The following FAM219B variants were observed in gnomAD, a reference collection of about 807,000 sequenced individuals.
The protein encoded by FAM219B is protein FAM219B.
A neutral mutation model predicts 19.9 loss-of-function variants in FAM219B; 18 were observed. The ratio of observed to expected loss-of-function variants is 0.91; its 90% CI spans 0.63 to 1.34. The LOEUF is 1.34. Ranked by LOEUF, FAM219B falls within the 40% of genes most tolerant of loss-of-function variation. The pLI, the probability that FAM219B is intolerant of heterozygous loss-of-function variation, is 0.00. For missense variants in FAM219B, 283 were observed against 270.5 expected (o/e 1.05, Z -0.32); for synonymous variants, 123 against 117.5 (o/e 1.05, Z -0.30).
chr15:74,905,258 C>T, intron 2 of FAM219B, 27 bp from the exon 3 acceptor site: 1 of 1,607,478 alleles, frequency 6.2e-7, no homozygotes, highest in Non-Finnish European at 8.5e-7. Context: ...GAGAAGAGAC[C>T]AAACATAGAT....
downstream of FAM219B, chr15:74,898,425 G>C (rs1414402420): frequency 6.0e-6 from 1 of 167,350 alleles, no homozygotes; most frequent in East Asian, 1.5e-4. Context: ...CACAGGCACA[G>C]CTTGCAAGCA....
intron 3 of FAM219B, 44 bp from the exon 4 acceptor site, chr15:74,904,756 T>C (rs2141246252): frequency 6.2e-7 from 1 of 1,611,566 alleles, no homozygotes; most frequent in Non-Finnish European, 8.5e-7. Flanking sequence ...GTACCTGTGG[T>C]GCACAGCTGT....
chr15:74,906,471 G>A, intron 1 of FAM219B, 106 bp from the exon 2 acceptor site: 6 of 1,530,334 alleles, frequency 3.9e-6, no homozygotes, highest in Non-Finnish European at 5.3e-6. Flanking sequence ...GCGAGAGCAG[G>A]CTGCAGCTAA....
chr15:74,902,664 G>A lies in FAM219B; in HGVS notation c.552C>T (p.Cys184=). The change falls in exon 5 of 5, where the codon TGC becomes TGT. Residue 184 remains cysteine (C), a synonymous_variant. Transcript: ENST00000357635. ...AAGAGTCCCCAAGACAGCACCAGCA[G>A]CAGGAGCATGTTGAAGAGGCCATGG... is the stretch of plus-strand genomic sequence containing the variant. ...PKPMASSTCS[C]CWCCLGDSSS... 4 of 1,613,098 alleles carry A rather than the reference G, an allele frequency of 2.5e-6. No homozygotes were observed. Among genetic ancestry groups the A allele is most frequent in the Non-Finnish European group, 3.4e-6 (4 of 1,179,530 alleles).
intron 4 of FAM219B, among the ~76,000 whole-genome samples, chr15:74,903,583 AGAGT>A (rs1417676346): frequency 6.9e-6 from 1 of 144,740 alleles, no homozygotes; most frequent in African/African-American, 2.6e-5. Context: ...CCTGGGCCAC[AGAGT>A]GAGACTCTGT....
At chr15:74,904,082 A>G (rs1056563963) in intron 4 of FAM219B, among the ~76,000 whole-genome samples, 1 of 152,216 alleles carries the variant, frequency 6.6e-6, no homozygotes. Context: ...TCAAGGACCA[A>G]TGGACCCATT....
rs1422289870 is a variant in FAM219B at position 74,906,694 on chromosome 15, C to T, written c.107G>A (p.Gly36Glu). Residue 36 changes from glycine (G) to glutamate (E), a missense_variant, in exon 1 of 5, where the codon GGG (glycine) becomes GAG (glutamate). Gly to Glu is a moderately conservative substitution (Grantham distance 98, BLOSUM62 -2). Coordinates refer to ENST00000357635, the MANE Select transcript of FAM219B (RefSeq NM_020447.5). The part of the protein sequence containing the change: ...RAPGAAGPPS[G>E]QIGNRALRLG... ...ACGGAGGGCTCTATTACCGATCTGC[C>T]CGGAGGGTGGCCCCGCAGCTCCCGG... The T allele has an allele frequency of 1.4e-6, 2 of 1,432,182 alleles. No homozygotes were observed. The highest frequency in any genetic ancestry group is 1.8e-6 in the Non-Finnish European group (2 of 1,093,350). 88.7% of individuals were successfully genotyped at this position (1,432,182 alleles called of 1,614,324 possible).
chr15:74,906,426 C>T, intron 1 of FAM219B, 61 bp from the exon 2 acceptor site: 1 of 1,560,232 alleles, frequency 6.4e-7, no homozygotes. Flanking sequence ...CTCCCGAAGG[C>T]TGGGAGGCCG....
chr15:74,906,336 G>C lies in FAM219B; in HGVS notation c.244C>G (p.Leu82Val). The C allele has an allele frequency of 6.2e-7, 1 of 1,613,212 alleles. No homozygotes were observed. Among genetic ancestry groups the C allele is most frequent in the Non-Finnish European group, 8.5e-7 (1 of 1,179,828 alleles). The change falls in exon 2 of 5, where the codon CTG becomes GTG. Residue 82 changes from leucine (L) to valine (V), a missense_variant. By Grantham distance (32) the Leu-to-Val change is conservative (BLOSUM62 1). Coordinates refer to ENST00000357635, the MANE Select transcript of FAM219B (RefSeq NM_020447.5). The stretch of plus-strand genomic sequence containing the variant: ...GCCCCCAGCATGCCTTTTCTCCGCA[G>C]AACGGCCTTGGCCAGGTCCCGGTGC... ...QKHRDLAKAV[L>V]RRKGMLGASP...
rs2141226282 is a variant in FAM219B, at chr15:74,901,893, A to C, written c.*726T>G. 2.6e-6 allele frequency: 1 copy of C among 389,058 alleles called. No homozygotes were observed. The highest frequency in any genetic ancestry group is 1.4e-4 in the South Asian group (1 of 6,944). 24.1% of individuals were successfully genotyped at this position (389,058 alleles called of 1,614,324 possible). A position where few individuals can be genotyped will look rare whatever the true frequency, so the allele number is the denominator to read the frequency against. On this transcript the variant is annotated 3_prime_UTR_variant, in exon 5 of 5. Transcript: ENST00000357635. ...GAAATACAAATAAATAAATATGAAC[A>C]TGTCAGAGCAGTTTTTCTCTAACTA...
At chr15:74,903,024 C>T (rs1201117882) in intron 4 of FAM219B, among the ~76,000 whole-genome samples, 1 of 152,172 alleles carries the variant, frequency 6.6e-6, no homozygotes, top group Non-Finnish European at 1.5e-5. Context: ...GATCTGTTCT[C>T]ACTAAATCCT....
chr15:74,904,983 T>C (rs1391298271), intron 3 of FAM219B, 171 bp downstream of exon 3: 3 of 1,540,622 alleles, frequency 1.9e-6, no homozygotes, highest in Non-Finnish European at 2.6e-6. Flanking sequence ...CACGATTACC[T>C]ATGAGTCTTC....
rs2064933982 is a variant in FAM219B at position 74,901,023 on chromosome 15, C to T, written c.*1596G>A. Reference sequence around the variant, plus strand: ...CTTCTAGTCACCCCTTGTGGTAGAGCGAAAAGAGTGTGTTGTCCCTCTCAT... The same window carrying T: ...CTTCTAGTCACCCCTTGTGGTAGAGTGAAAAGAGTGTGTTGTCCCTCTCAT... On this transcript the variant is annotated 3_prime_UTR_variant, in exon 5 of 5. Coordinates refer to ENST00000357635, the MANE Select transcript of FAM219B (RefSeq NM_020447.5). 6.6e-6 allele frequency: 1 copy of T among 152,198 alleles called. No homozygotes were observed. Among genetic ancestry groups the T allele is most frequent in the Non-Finnish European group, 1.5e-5 (1 of 68,062 alleles). The allele number at this position is 152,198 out of a possible 1,614,324, so 9.4% of individuals were successfully genotyped here.
At chr15:74,903,138 G>A (rs926998132) in intron 4 of FAM219B, among the ~76,000 whole-genome samples, 8 of 151,820 alleles carry the variant, frequency 5.3e-5, no homozygotes, top group African/African-American at 1.9e-4. Context: ...TGAAGAATAT[G>A]GGATAATAAC....
chr15:74,898,001 C>A, downstream of FAM219B: 1 of 517,956 alleles, frequency 1.9e-6, no homozygotes, highest in Admixed American at 3.0e-5. Flanking sequence ...CAGGCTCTTG[C>A]CAACTCTGTT....
downstream of FAM219B, chr15:74,899,678 G>A (rs1429846239): frequency 1.3e-5 from 2 of 152,234 alleles, no homozygotes; most frequent in African/African-American, 2.4e-5. Flanking sequence ...CCGGGCTGGA[G>A]TGCAGTGGCG....
intron 4 of FAM219B, among the ~76,000 whole-genome samples, chr15:74,903,070 T>G (rs2065029674): frequency 6.6e-6 from 1 of 152,188 alleles, no homozygotes; most frequent in South Asian, 2.1e-4. Flanking sequence ...CCCAATATGT[T>G]TGAAAATCAG....
At chr15:74,905,477 G>C (rs1468786417) in intron 2 of FAM219B, 3 of 393,268 alleles carry the variant, frequency 7.6e-6, no homozygotes, top group African/African-American at 6.2e-5. Flanking sequence ...AGGCTGCAGT[G>C]CAGTGGCGCG....
chr15:74,899,934 G>C (rs1178473117), downstream of FAM219B: 1 of 152,262 alleles, frequency 6.6e-6, no homozygotes, highest in Non-Finnish European at 1.5e-5. Flanking sequence ...TTACAAGCAT[G>C]AGCCATTGTG....
Sources: gnomAD v4.1 joint callset for allele counts (sites outside exome capture counted in the v4.1 genomes callset) on GRCh38, gnomAD v4.1.1 for gene constraint, MANE v1.5 for transcripts, NCBI Gene and HGNC (gene_info 2026-07-23, HGNC 2026-07-21) for gene names.